RORC: variants seen among roughly 807,000 people sequenced by gnomAD.
The protein encoded by RORC is RAR related orphan receptor C.
A neutral mutation model predicts 64.5 loss-of-function variants in RORC; 13 were observed. The ratio of observed to expected loss-of-function variants is 0.20; its 90% CI spans 0.13 to 0.32. The LOEUF (loss-of-function observed/expected upper bound fraction) is 0.32, where lower values mean the gene tolerates loss of function less well. Among genes scored for constraint, RORC ranks in the 10% least tolerant of loss-of-function variants. The pLI, the probability that RORC is intolerant of heterozygous loss-of-function variation, is 1.00. For missense variants in RORC, 468 were observed against 669.5 expected, an observed-to-expected ratio of 0.70 and a Z score of 3.32; for synonymous variants, 277 against 259.3, an observed-to-expected ratio of 1.07 and a Z score of -0.65.
In RORC at chr1:151,813,476, A is replaced by T; in HGVS notation, c.1066+12T>A. 1 of 1,613,806 alleles carries T rather than the reference A, an allele frequency of 6.2e-7. No individual in the cohort carries two copies. Among genetic ancestry groups the T allele is most frequent in the Non-Finnish European group, 8.5e-7 (1 of 1,179,892 alleles). On this transcript the variant is annotated intron_variant, in intron 7 of 10. Coordinates refer to ENST00000318247, the MANE Select transcript of RORC (RefSeq NM_005060.4). The stretch of plus-strand genomic sequence containing the variant: ...CCCTTGTCCCCAGGCCTGCCCACCC[A>T]TCCCTGGGCACCTGCTTTGAGAAGC...
At chr1:151,823,431 A>G (rs1652070432) in intron 2 of RORC, among the ~76,000 whole-genome samples, 1 of 152,132 alleles carries the variant, frequency 6.6e-6, no homozygotes, top group Admixed American at 6.5e-5. Context: ...CAGACACATT[A>G]TCTCCACTTG....
chr1:151,827,624 C>T (rs1266059268), intron 2 of RORC, among the ~76,000 whole-genome samples: 1 of 152,180 alleles, frequency 6.6e-6, no homozygotes, highest in African/African-American at 2.4e-5. Context: ...CTCCTGGATT[C>T]TGTGGGGCAA....
chr1:151,813,155 C>T, intron 8 of RORC, 84 bp downstream of exon 8: 2 of 1,484,042 alleles, frequency 1.3e-6, no homozygotes, highest in South Asian at 1.1e-5. Flanking sequence ...GGCAATTCGC[C>T]CTGAAAAGAG....
At chr1:151,814,451 T>C (rs1358715129) in intron 6 of RORC, 123 bp downstream of exon 6, 3 of 1,014,614 alleles carry the variant, frequency 3.0e-6, no homozygotes, top group Non-Finnish European at 4.3e-6. Context: ...ACATGCTTGT[T>C]GGCCAGCCTG....
At chr1:151,810,173 C>G (rs1005821955) in intron 10 of RORC, among the ~76,000 whole-genome samples, 1 of 152,186 alleles carries the variant, frequency 6.6e-6, no homozygotes, top group African/African-American at 2.4e-5. Flanking sequence ...TCCCCAGCCT[C>G]TCATACTCAT....
chr1:151,815,450 G>C, intron 4 of RORC, 25 bp from the exon 5 acceptor site: 1 of 1,516,238 alleles, frequency 6.6e-7, no homozygotes, highest in Non-Finnish European at 8.8e-7. Flanking sequence ...GGGACCAGGG[G>C]TTTATGAGGC....
At chr1:151,826,415 G>A (rs1008664659) in intron 2 of RORC, among the ~76,000 whole-genome samples, 1 of 152,156 alleles carries the variant, frequency 6.6e-6, no homozygotes, top group African/African-American at 2.4e-5. Context: ...CTCTTTGCCA[G>A]GTGACTTCAG....
At chr1:151,821,218 G>A (rs1651984001) in intron 2 of RORC, among the ~76,000 whole-genome samples, 1 of 152,140 alleles carries the variant, frequency 6.6e-6, no homozygotes, top group African/African-American at 2.4e-5. Context: ...CCCTGTCCAG[G>A]TGCCCTATGC....
At chr1:151,809,502 A>AGGTGT (rs113617021) in intron 10 of RORC, among the ~76,000 whole-genome samples, 6,504 of 152,232 alleles carry the variant, frequency 0.043, 460 homozygotes, top group African/African-American at 0.15. Context: ...GGTGCGGAGT[A>AGGTGT]GGTGTGGTTG....
chr1:151,814,870 C>G, intron 5 of RORC, 43 bp downstream of exon 5: 1 of 1,588,148 alleles, frequency 6.3e-7, no homozygotes, highest in East Asian at 2.2e-5. Flanking sequence ...GTGGAAACCC[C>G]TCCCTCATCT....
Position 151,815,176 on chromosome 1 carries a change from C to T in RORC, c.548G>A (p.Gly183Glu), listed in dbSNP as rs1651709389. 1 of 1,613,860 alleles carries T rather than the reference C, an allele frequency of 6.2e-7. No homozygotes were observed. The highest frequency in any genetic ancestry group is 1.3e-5 in the African/African-American group (1 of 74,930). ...GGCCAAGTTGTTGGAATATGAGGGC[C>T]CAGAGCCTGAGGCTTTCAGGAGGCC... ...PPGLLKASGS[G>E]PSYSNNLAKA... Residue 183 changes from glycine to glutamate, a missense_variant, in exon 5 of 11, where the codon GGG (glycine) becomes GAG (glutamate). Physicochemically the swap from Gly to Glu is moderately conservative, Grantham distance 98. Coordinates refer to ENST00000318247, the MANE Select transcript of RORC (RefSeq NM_005060.4).
At chr1:151,824,311 G>A (rs1186715503) in intron 2 of RORC, among the ~76,000 whole-genome samples, 2 of 152,150 alleles carry the variant, frequency 1.3e-5, no homozygotes, top group Non-Finnish European at 2.9e-5. Flanking sequence ...GTGTGGTGGG[G>A]GTGGGAATAA....
rs575709449 is a variant in RORC at position 151,820,483 on chromosome 1, G to A, written c.71-3203C>T. Among the ~76,000 whole-genome samples the A allele has an allele frequency of 2.6e-5, 4 of 152,198 alleles. No individual in the cohort carries two copies. In the South Asian group the frequency reaches 8.3e-4, roughly 32 times the overall value. On this transcript the variant is annotated intron_variant, in intron 2 of 10. Coordinates refer to ENST00000318247, the MANE Select transcript of RORC (RefSeq NM_005060.4). ...AAGGGCCTGCCAGTGCCAGGAACTA[G>A]AGCCAAGCAAAGGTCAGGAACCTCG...
intron 2 of RORC, among the ~76,000 whole-genome samples, chr1:151,821,102 C>G (rs996514291): frequency 6.6e-6 from 1 of 152,194 alleles, no homozygotes; most frequent in African/African-American, 2.4e-5. Flanking sequence ...AGGCAAAGTC[C>G]TCCATCCTCC....
At chr1:151,825,121 C>T (rs1320411232) in intron 2 of RORC, among the ~76,000 whole-genome samples, 1 of 152,164 alleles carries the variant, frequency 6.6e-6, no homozygotes, top group Non-Finnish European at 1.5e-5. Context: ...CACAGGAACC[C>T]CAGACATCTG....
At chr1:151,829,973 T>C (rs950285769) in intron 1 of RORC, among the ~76,000 whole-genome samples, 3 of 152,254 alleles carry the variant, frequency 2.0e-5, no homozygotes, top group African/African-American at 7.2e-5. Flanking sequence ...TGTGTTGGTC[T>C]TATTTACTTT....
At position 151,814,913 on chromosome 1, in the gene RORC, C is replaced by G. The variant is rs1275617869; in HGVS notation, c.811G>C (p.Glu271Gln). The G allele has an allele frequency of 1.2e-6, 2 of 1,611,294 alleles. No homozygotes were observed. The highest frequency in any genetic ancestry group is 1.7e-6 in the Non-Finnish European group (2 of 1,178,096). Reference sequence around the variant, plus strand: ...CCTCTCCACCTCCCCAGCTGCTCACCTATCTCTGTCAGGGAGGCATAGGGT... The same window carrying G: ...CCTCTCCACCTCCCCAGCTGCTCACGTATCTCTGTCAGGGAGGCATAGGGT... ...EAPYASLTEI[E>Q]HLVQSVCKSY... Residue 271 changes from glutamate to glutamine, a missense_variant and splice_region_variant, in exon 5 of 11, where the codon GAG becomes CAG. Coordinates refer to ENST00000318247, the MANE Select transcript of RORC (RefSeq NM_005060.4).
rs1652350836 is a variant in RORC, at chr1:151,830,225, T to C, written c.41-767A>G. 6.6e-6 allele frequency among the ~76,000 whole-genome samples: 1 copy of C among 151,938 alleles called. No homozygotes were observed. The highest frequency in any genetic ancestry group is 2.4e-5 in the African/African-American group (1 of 41,330). On this transcript the variant is annotated intron_variant, in intron 1 of 10. Transcript: ENST00000318247. The surrounding 1 kb of genome is among the most constrained non-coding windows in gnomAD (Gnocchi z 4.0). ...CCAGCCTGAAGAGGAAGGCCTCCCT[T>C]CTCTGCTGCTGCTGCGTGGCCGGGT...
chr1:151,831,429 G>T (rs1652415925), intron 1 of RORC, among the ~76,000 whole-genome samples: 1 of 152,056 alleles, frequency 6.6e-6, no homozygotes, highest in Non-Finnish European at 1.5e-5. Context: ...TCTAGATCTG[G>T]CTCCCCTGAC....
Sources: allele counts gnomAD v4.1 joint callset (sites outside exome capture counted in the v4.1 genomes callset), GRCh38; gene constraint gnomAD v4.1.1; non-coding constraint Gnocchi (gnomAD v3.1); transcripts MANE v1.5; gene names NCBI Gene and HGNC (gene_info 2026-07-23, HGNC 2026-07-21).